Variants in ABTB3 observed in about 807,000 individuals in gnomAD.
ABTB3 encodes the protein ankyrin repeat- and BTB/POZ domain-containing protein 3.
chr12:107,632,708 G>A, the ABTB3 span, among the ~76,000 whole-genome samples: 2 of 152,196 alleles, frequency 1.3e-5, no homozygotes, highest in Admixed American at 1.3e-4. Context: ...AATCTCAAGG[G>A]CAAAATCAAG....
At chr12:107,458,478 A>G in the ABTB3 span, among the ~76,000 whole-genome samples, 5 of 152,124 alleles carry the variant, frequency 3.3e-5, no homozygotes, top group Non-Finnish European at 7.4e-5. Context: ...ATCTAGGGGG[A>G]TAGGCCTCCT....
chr12:107,341,093 A>G, the ABTB3 span, among the ~76,000 whole-genome samples: 3 of 152,192 alleles, frequency 2.0e-5, no homozygotes, highest in Non-Finnish European at 4.4e-5. Context: ...TGGGAGCTCT[A>G]TGAGCAGAAG....
the ABTB3 span, among the ~76,000 whole-genome samples, chr12:107,373,234 T>C: frequency 2.6e-5 from 4 of 152,210 alleles, no homozygotes; most frequent in Admixed American, 2.6e-4. Context: ...TGAGCACCGG[T>C]TTTCTCCCAT....
chr12:107,536,602 A>G, the ABTB3 span, among the ~76,000 whole-genome samples: 1 of 152,248 alleles, frequency 6.6e-6, no homozygotes, highest in Non-Finnish European at 1.5e-5. Flanking sequence ...AAAAGAAGAC[A>G]TACAAGTAGC....
the ABTB3 span, among the ~76,000 whole-genome samples, chr12:107,457,781 G>T: frequency 6.6e-6 from 1 of 152,186 alleles, no homozygotes; most frequent in Non-Finnish European, 1.5e-5. Flanking sequence ...CTTCCCACTT[G>T]GCAGAACGGG....
chr12:107,646,795 C>T, the ABTB3 span, among the ~76,000 whole-genome samples: 1 of 152,162 alleles, frequency 6.6e-6, no homozygotes, highest in African/African-American at 2.4e-5. Context: ...TAGTGAGAAA[C>T]AACACTGCAG....
At chr12:107,473,761 A>T in the ABTB3 span, among the ~76,000 whole-genome samples, 1 of 150,002 alleles carries the variant, frequency 6.7e-6, no homozygotes, top group Non-Finnish European at 1.5e-5. Flanking sequence ...AAGAAGCCAT[A>T]TATTCTACAA....
the ABTB3 span, among the ~76,000 whole-genome samples, chr12:107,588,374 G>A: frequency 6.6e-6 from 1 of 152,186 alleles, no homozygotes; most frequent in Non-Finnish European, 1.5e-5. Flanking sequence ...GTCTTGCCTA[G>A]TAGGGCCCTC....
chr12:107,612,884 G>A, the ABTB3 span: 1 of 1,611,138 alleles, frequency 6.2e-7, no homozygotes, highest in Non-Finnish European at 8.5e-7. Flanking sequence ...GGGTGCAGAG[G>A]CCAGCAGGGC....
chr12:107,390,847 C>T, the ABTB3 span, among the ~76,000 whole-genome samples: 1 of 152,166 alleles, frequency 6.6e-6, no homozygotes, highest in Non-Finnish European at 1.5e-5. Flanking sequence ...AAGCACTTTC[C>T]ATGAATTAAT....
At chr12:107,513,993 A>G in the ABTB3 span, among the ~76,000 whole-genome samples, 1 of 152,256 alleles carries the variant, frequency 6.6e-6, no homozygotes, top group Non-Finnish European at 1.5e-5. Context: ...AGGACTGCAC[A>G]TCTGTGGGAA....
At chr12:107,362,569 G>T in the ABTB3 span, among the ~76,000 whole-genome samples, 1 of 152,194 alleles carries the variant, frequency 6.6e-6, no homozygotes, top group Non-Finnish European at 1.5e-5. Flanking sequence ...AAGGTGCGGG[G>T]GTTGCTTGAG....
At chr12:107,613,801 G>A in the ABTB3 span, among the ~76,000 whole-genome samples, 4 of 152,030 alleles carry the variant, frequency 2.6e-5, no homozygotes, top group Non-Finnish European at 5.9e-5. Context: ...ATCATAACTC[G>A]GCAACCCTGG....
At chr12:107,507,405 T>C in the ABTB3 span, among the ~76,000 whole-genome samples, 37,244 of 152,022 alleles carry the variant, frequency 0.24, 4,959 homozygotes, top group African/African-American at 0.34. Flanking sequence ...TGGTCTGGGT[T>C]TGCTGGCAGC....
the ABTB3 span, among the ~76,000 whole-genome samples, chr12:107,322,368 T>G: frequency 6.6e-6 from 1 of 152,186 alleles, no homozygotes; most frequent in African/African-American, 2.4e-5. Flanking sequence ...GCCTTTTCTT[T>G]GGGCTTGTTT....
chr12:107,644,179 G>GT, the ABTB3 span, among the ~76,000 whole-genome samples: 1 of 152,314 alleles, frequency 6.6e-6, no homozygotes, highest in East Asian at 1.9e-4. Flanking sequence ...AGCCTTCCTG[G>GT]TAGCAAAGCG....
At chr12:107,374,481 T>C in the ABTB3 span, among the ~76,000 whole-genome samples, 1 of 152,204 alleles carries the variant, frequency 6.6e-6, no homozygotes, top group Admixed American at 6.5e-5. Flanking sequence ...CTTTGCACTT[T>C]GGGGCCAGGG....
chr12:107,485,852 T>C, the ABTB3 span, among the ~76,000 whole-genome samples: 1 of 152,324 alleles, frequency 6.6e-6, no homozygotes, highest in African/African-American at 2.4e-5. Context: ...CTCTCTTAAA[T>C]GTTTCTCCCA....
At chr12:107,431,339 G>A in the ABTB3 span, among the ~76,000 whole-genome samples, 1 of 152,202 alleles carries the variant, frequency 6.6e-6, no homozygotes, top group Non-Finnish European at 1.5e-5. Context: ...GGCCAGGCAT[G>A]GTGCCTCACA....
Sources: gnomAD v4.1 joint callset for allele counts (sites outside exome capture counted in the v4.1 genomes callset) on GRCh38, gnomAD v4.1.1 for gene constraint, MANE v1.5 for transcripts, NCBI Gene and HGNC (gene_info 2026-07-23, HGNC 2026-07-21) for gene names.